The following FAT4 variants were observed in gnomAD, a reference collection of about 807,000 sequenced individuals.
The protein encoded by FAT4 is protocadherin Fat 4.
In FAT4, 84 loss-of-function variants were observed where a neutral mutation model predicts 303.9. The observed-to-expected ratio is 0.28, with a 90% CI of 0.23 to 0.33. The LOEUF is 0.33. Among genes scored for constraint, FAT4 ranks in the 10% least tolerant of loss-of-function variants. The pLI, the probability that FAT4 is intolerant of heterozygous loss-of-function variation, is 1.00. For synonymous variants in FAT4, 2,307 were observed against 2,298.8 expected (o/e 1.00, Z -0.10); for missense variants, 6,005 against 6,146.8 (o/e 0.98, Z 0.77).
chr4:125,477,407 GA>G, intron 14 of FAT4, 73 bp downstream of exon 14: 1 of 1,284,386 alleles, frequency 7.8e-7, no homozygotes, highest in Non-Finnish European at 1.1e-6. Flanking sequence ...AGCATCAAAA[GA>G]TGAAATTATT....
intron 3 of FAT4, among the ~76,000 whole-genome samples, chr4:125,399,547 G>A (rs1509296): frequency 0.99 from 150,276 of 152,008 alleles, 74,302 homozygotes; most frequent in East Asian, 1. Flanking sequence ...CTTAAGCCAA[G>A]CCGAACACAG....
chr4:125,479,016 A>G (rs1283899807), intron 14 of FAT4, among the ~76,000 whole-genome samples: 1 of 152,108 alleles, frequency 6.6e-6, no homozygotes, highest in East Asian at 1.9e-4. Context: ...CCTGAGCTCC[A>G]ACCATGTTGG....
chr4:125,404,271 A>G (rs1509294), intron 3 of FAT4, among the ~76,000 whole-genome samples: 150,393 of 152,138 alleles, frequency 0.99, 74,355 homozygotes, highest in East Asian at 1. Flanking sequence ...TGTATTCACA[A>G]TCTGCCTTCT....
rs150112588 is a variant in FAT4 at position 125,405,572 on chromosome 4, G to A, written c.5308-1308G>A. Among the ~76,000 whole-genome samples the A allele has an allele frequency of 5.1e-3, 766 of 151,456 alleles. 6 individuals carry two copies. The highest frequency in any genetic ancestry group is 0.017 in the African/African-American group (717 of 41,258). ...GTTACCTAGGCTACAGTACAGTGGT[G>A]CGATCTTGGCTCACTGCAAGCTCTG... On this transcript the variant is annotated intron_variant, in intron 3 of 17. Coordinates refer to ENST00000394329, the MANE Select transcript of FAT4 (RefSeq NM_001291303.3).
At chr4:125,367,688 G>A (rs1578565188) in intron 2 of FAT4, among the ~76,000 whole-genome samples, 1 of 152,164 alleles carries the variant, frequency 6.6e-6, no homozygotes, top group East Asian at 1.9e-4. Context: ...CAGTTTCCAT[G>A]AGAGATGGTT....
At chr4:125,352,671 C>G (rs139739546) in intron 2 of FAT4, among the ~76,000 whole-genome samples, 1 of 151,786 alleles carries the variant, frequency 6.6e-6, no homozygotes, top group Non-Finnish European at 1.5e-5. Flanking sequence ...ATTTCAGAGA[C>G]AAGTTCTTCA....
chr4:125,439,570 A>G (rs189165403), intron 8 of FAT4, among the ~76,000 whole-genome samples: 14 of 151,066 alleles, frequency 9.3e-5, no homozygotes, highest in Admixed American at 8.6e-4. Flanking sequence ...CGATCTTCTG[A>G]TCTCGTGATC....
chr4:125,356,963 AG>A (rs1227275125), intron 2 of FAT4, among the ~76,000 whole-genome samples: 7 of 151,994 alleles, frequency 4.6e-5, no homozygotes, highest in Non-Finnish European at 7.4e-5. Context: ...AAGTCCCCTG[AG>A]GGAGTAACTA....
chr4:125,484,655 C>G (rs995871970), intron 16 of FAT4, among the ~76,000 whole-genome samples: 1 of 152,188 alleles, frequency 6.6e-6, no homozygotes, highest in Non-Finnish European at 1.5e-5. Flanking sequence ...TGAACTTGCT[C>G]AAACCTAGAT....
At position 125,452,492 on chromosome 4, in the gene FAT4, G is replaced by A. The variant is rs773534151; in HGVS notation, c.11482G>A (p.Val3828Ile). Residue 3828 changes from valine (V) to isoleucine (I), a missense_variant, in exon 10 of 18, where the codon GTA (valine) becomes ATA (isoleucine). By Grantham distance (29) the Val-to-Ile change is conservative. Transcript: ENST00000394329. ...SCLRRLAVSS[V>I]LKSRESLPVI... ...TCTACGAAGATTGGCTGTGAGCTCC[G>A]TATTAAAAAGCCGTGAGAGTCTTCC... is the stretch of plus-strand genomic sequence containing the variant. 46 of 1,613,766 alleles carry A rather than the reference G, an allele frequency of 2.9e-5. 1 individual carries two copies. The South Asian group carries it at 3.8e-4, about 13-fold the overall frequency.
At chr4:125,437,135 A>G (rs1373897284) in intron 8 of FAT4, among the ~76,000 whole-genome samples, 1 of 152,036 alleles carries the variant, frequency 6.6e-6, no homozygotes, top group African/African-American at 2.4e-5. Flanking sequence ...GATTACAGGC[A>G]TGAGCCACCA....
chr4:125,449,126 G>C lies in FAT4; in HGVS notation c.8116G>C (p.Asp2706His), dbSNP rs138340854. The C allele has an allele frequency of 1.1e-5, 17 of 1,613,836 alleles. No homozygotes were observed. Among genetic ancestry groups the C allele is most frequent in the Non-Finnish European group, 1.4e-5 (17 of 1,179,902 alleles). Residue 2706 changes from aspartate (D) to histidine (H), a missense_variant, in exon 10 of 18, where the codon GAT (aspartate) becomes CAT (histidine). Asp to His is a moderately conservative substitution (Grantham distance 81, BLOSUM62 -1). Coordinates refer to ENST00000394329, the MANE Select transcript of FAT4 (RefSeq NM_001291303.3). ...GGACAGTGGACCCAATGGACAGTTAGATTATGAAATTGTTAATGGCAACAT... is the reference window on the plus strand; with the variant it reads ...GGACAGTGGACCCAATGGACAGTTACATTATGAAATTGTTAATGGCAACAT... ...DKDSGPNGQLDYEIVNGNMEN... is the reference protein window; with the variant it reads ...DKDSGPNGQLHYEIVNGNMEN...
rs1404221534 is a variant in FAT4, at chr4:125,449,961, A to G, written c.8951A>G (p.Gln2984Arg). ...GTGGACAGTAATGACAATGCACCTC[A>G]ATTTCTTAAAAGTAAATATTTCACT... ...NIVDSNDNAP[Q>R]FLKSKYFTPV... The change falls in exon 10 of 18, where the codon CAA (glutamine) becomes CGA (arginine). Residue 2984 changes from glutamine to arginine, a missense_variant. Transcript: ENST00000394329. 1 of 1,613,796 alleles carries G rather than the reference A, an allele frequency of 6.2e-7. No homozygotes were observed. Among genetic ancestry groups the G allele is most frequent in the Admixed American group, 1.7e-5 (1 of 59,982 alleles).
At chr4:125,355,549 AC>A (rs1159328108) in intron 2 of FAT4, among the ~76,000 whole-genome samples, 1 of 151,974 alleles carries the variant, frequency 6.6e-6, no homozygotes, top group African/African-American at 2.4e-5. Flanking sequence ...TTGTTAACTT[AC>A]GCTTTCTTAT....
chr4:125,477,103 TA>T, intron 13 of FAT4, 51 bp from the exon 14 acceptor site: 1 of 1,277,536 alleles, frequency 7.8e-7, no homozygotes. Flanking sequence ...AACATTATAC[TA>T]AAAATGTAAT....
In FAT4 at chr4:125,446,552, C is replaced by A; in HGVS notation, c.7450+9C>A. On this transcript the variant is annotated intron_variant, in intron 9 of 17. Transcript: ENST00000394329. ...ATCTCCTACTCTTCCAGGTAATCAA[C>A]CAAATTCTGAGGCCACATGGATATA... The A allele has an allele frequency of 6.3e-7, 1 of 1,599,694 alleles. No homozygotes were observed. Among genetic ancestry groups the A allele is most frequent in the Non-Finnish European group, 8.6e-7 (1 of 1,169,542 alleles).
At chr4:125,367,367 A>G (rs1732925219) in intron 2 of FAT4, among the ~76,000 whole-genome samples, 1 of 152,294 alleles carries the variant, frequency 6.6e-6, no homozygotes, top group East Asian at 1.9e-4. Flanking sequence ...CAGGTGAGGA[A>G]ATGAAGAACA....
chr4:125,490,359 G>T lies in FAT4; in HGVS notation c.13543G>T (p.Ala4515Ser). 6.2e-7 allele frequency: 1 copy of T among 1,614,100 alleles called. No homozygotes were observed. The highest frequency in any genetic ancestry group is 8.5e-7 in the Non-Finnish European group (1 of 1,180,028). ...TGTGCCTGCCATCGTGGGCAGCTGC[G>T]CAACCGTCTTGGCCCTCCTGGTCCT... ...WAVPAIVGSC[A>S]TVLALLVLSL... Residue 4515 changes from alanine (A) to serine (S), a missense_variant, in exon 18 of 18, where the codon GCA becomes TCA. Ala to Ser is a moderately conservative substitution (Grantham distance 99). Transcript: ENST00000394329.
At chr4:125,458,157 G>T (rs1039352939) in intron 10 of FAT4, among the ~76,000 whole-genome samples, 1 of 151,892 alleles carries the variant, frequency 6.6e-6, no homozygotes, top group Admixed American at 6.6e-5. Flanking sequence ...TGTAGTATTT[G>T]GAATAATGCC....
Sources: gnomAD v4.1 joint callset for allele counts (sites outside exome capture counted in the v4.1 genomes callset) on GRCh38, gnomAD v4.1.1 for gene constraint, MANE v1.5 for transcripts, NCBI Gene and HGNC (gene_info 2026-07-23, HGNC 2026-07-21) for gene names.